The following TAB1 variants were observed in gnomAD, a reference collection of about 807,000 sequenced individuals.
TAB1 encodes the protein TGF-beta activated kinase 1 (MAP3K7) binding protein 1.
A neutral mutation model predicts 54.5 loss-of-function variants in TAB1; 30 were observed. That is an observed-to-expected ratio of 0.55 (90% CI 0.41 to 0.75). TAB1 has a LOEUF of 0.75. Ranked by LOEUF, TAB1 falls within the 30% of genes least tolerant of loss-of-function variation. The pLI is 0.00. For missense variants in TAB1, 609 were observed against 683.2 expected (o/e 0.89, Z 1.21); for synonymous variants, 289 against 286.9 (o/e 1.01, Z -0.07).
Position 39,421,877 on chromosome 22 carries a change from AGCCGCT to A in TAB1, c.829_834del (p.Pro277_Leu278del). On this transcript the variant is annotated inframe_deletion, in exon 8 of 11. Transcript: ENST00000216160. ...GCAGAGCCAGAAATCCATGGGGCACAGCCGCTGGATGGGGTGACGGGCTTCTTGGTG... is the reference window on the plus strand; with the variant it reads ...GCAGAGCCAGAAATCCATGGGGCACAGGATGGGGTGACGGGCTTCTTGGTG... The A allele has an allele frequency of 6.2e-7, 1 of 1,614,070 alleles. No homozygotes were observed. The highest frequency in any genetic ancestry group is 8.5e-7 in the Non-Finnish European group (1 of 1,179,970).
chr22:39,408,965 C>T (rs1025933976), intron 1 of TAB1, among the ~76,000 whole-genome samples: 2 of 152,180 alleles, frequency 1.3e-5, no homozygotes, highest in African/African-American at 4.8e-5. Context: ...GAGGAGGTAA[C>T]TGTGATTACA....
rs369480850 is a variant in TAB1, at chr22:39,425,864, C to T, written c.922-839C>T. Among the ~76,000 whole-genome samples the T allele has an allele frequency of 4.4e-4, 66 of 150,586 alleles. No individual in the cohort carries two copies. The East Asian group carries it at 8.4e-3, about 19-fold the overall frequency. ...CCCGGCCAAATGCTTTTTCAACTTA[C>T]GATATTTTCTTTTTTTTTTTTTTTT... On this transcript the variant is annotated intron_variant, in intron 8 of 10. Coordinates refer to ENST00000216160, the MANE Select transcript of TAB1 (RefSeq NM_006116.3).
chr22:39,429,747 G>A, intron 10 of TAB1: 1 of 889,708 alleles, frequency 1.1e-6, no homozygotes, highest in Non-Finnish European at 1.3e-6. Flanking sequence ...CTCCCAAAGT[G>A]CTGGGATTAC....
intron 7 of TAB1, among the ~76,000 whole-genome samples, chr22:39,420,960 T>A (rs1927060523): frequency 6.7e-6 from 1 of 149,414 alleles, no homozygotes; most frequent in Non-Finnish European, 1.5e-5. Context: ...TGCATCCTTT[T>A]CGGAACACCC....
chr22:39,421,040 G>T (rs1486368009), intron 7 of TAB1, among the ~76,000 whole-genome samples: 1 of 151,464 alleles, frequency 6.6e-6, no homozygotes, highest in Non-Finnish European at 1.5e-5. Flanking sequence ...GGTGTGTCCT[G>T]CCCCTCCCAG....
Position 39,428,029 on chromosome 22 carries a change from G to C in TAB1, c.1153G>C (p.Gly385Arg). 6.3e-7 allele frequency: 1 copy of C among 1,593,488 alleles called. No homozygotes were observed. Among genetic ancestry groups the C allele is most frequent in the Non-Finnish European group, 8.6e-7 (1 of 1,164,664 alleles). Reference protein sequence around the residue: ...PTPSPAPAAGGRVYPVSVPYS... With the variant: ...PTPSPAPAAGRRVYPVSVPYS... ...CTCTCTTCCTCCCAAAGCTGCAGGA[G>C]GACGAGTGTACCCTGTGTCTGTGCC... The change falls in exon 10 of 11, where the codon GGA (glycine) becomes CGA (arginine). Residue 385 changes from glycine (G) to arginine (R), a missense_variant. Gly to Arg is a moderately radical substitution (Grantham distance 125, BLOSUM62 -2). Coordinates refer to ENST00000216160, the MANE Select transcript of TAB1 (RefSeq NM_006116.3).
chr22:39,409,815 G>A (rs546802291), intron 1 of TAB1, among the ~76,000 whole-genome samples: 54 of 152,200 alleles, frequency 3.5e-4, no homozygotes, highest in African/African-American at 1.3e-3. Context: ...CCTTATTATT[G>A]TATTGTGTGT....
intron 1 of TAB1, among the ~76,000 whole-genome samples, chr22:39,401,169 T>C (rs1180138383): frequency 6.6e-6 from 1 of 151,766 alleles, no homozygotes; most frequent in Non-Finnish European, 1.5e-5. Context: ...AAAGGATGAG[T>C]AAAGGTTTGT....
chr22:39,433,961 T>A, downstream of TAB1: 1 of 362,800 alleles, frequency 2.8e-6, no homozygotes, highest in Non-Finnish European at 3.8e-6. Context: ...GCCTCTCGCC[T>A]GCTCCACGGG....
downstream of TAB1, chr22:39,433,536 G>A (rs35033958): frequency 7.9e-4 from 775 of 985,268 alleles, 5 homozygotes; most frequent in African/African-American, 1.0e-2. Flanking sequence ...CAGAAATCCC[G>A]TTGTCCCAGG....
Position 39,419,526 on chromosome 22 carries a change from T to A in TAB1, c.672T>A (p.Asp224Glu). ...ELFRLSQLGL[D>E]AGKIKQVGII... ...CACTGTTTCCCTCCGTAGGCTTGGA[T>A]GCTGGAAAGATCAAGCAGGTGGGGA... The change falls in exon 7 of 11, where the codon GAT becomes GAA. Residue 224 changes from aspartate (D) to glutamate (E), a missense_variant. Transcript: ENST00000216160. 1.2e-6 allele frequency: 2 copies of A among 1,607,872 alleles called. No individual in the cohort carries two copies. The highest frequency in any genetic ancestry group is 1.7e-6 in the Non-Finnish European group (2 of 1,176,202).
intron 1 of TAB1, among the ~76,000 whole-genome samples, chr22:39,414,015 C>T (rs1926720109): frequency 6.6e-6 from 1 of 152,160 alleles, no homozygotes; most frequent in Non-Finnish European, 1.5e-5. Flanking sequence ...GCCTGGACCG[C>T]TGTGTGAGCG....
At chr22:39,408,718 G>A (rs1324725605) in intron 1 of TAB1, among the ~76,000 whole-genome samples, 1 of 152,148 alleles carries the variant, frequency 6.6e-6, no homozygotes, top group Non-Finnish European at 1.5e-5. Flanking sequence ...GGCCAGGCTG[G>A]TCTTGAACTC....
intron 6 of TAB1, 123 bp downstream of exon 6, chr22:39,418,968 C>A: frequency 1.3e-6 from 1 of 760,844 alleles, no homozygotes; most frequent in Non-Finnish European, 2.2e-6. Flanking sequence ...AGCCAGCCTG[C>A]CTGGGGTTCA....
chr22:39,405,971 CA>C, intron 1 of TAB1, among the ~76,000 whole-genome samples: 2 of 152,072 alleles, frequency 1.3e-5, no homozygotes, highest in African/African-American at 4.8e-5. Flanking sequence ...TCTAAGACAC[CA>C]ATGTTTTAAG....
chr22:39,422,097 G>A, intron 8 of TAB1, 126 bp downstream of exon 8: 2 of 939,646 alleles, frequency 2.1e-6, no homozygotes, highest in Non-Finnish European at 3.0e-6. Context: ...GTTCAAAGCT[G>A]GGGGAAGGAG....
intron 4 of TAB1, among the ~76,000 whole-genome samples, chr22:39,417,405 G>A (rs1157413158): frequency 6.6e-6 from 1 of 152,164 alleles, no homozygotes; most frequent in East Asian, 1.9e-4. Flanking sequence ...CGGATCACAA[G>A]GTCAGGAGAT....
chr22:39,428,242 G>T, intron 10 of TAB1, 59 bp downstream of exon 10: 1 of 1,253,012 alleles, frequency 8.0e-7, no homozygotes, highest in African/African-American at 1.5e-5. Context: ...GTGTCCTGTG[G>T]CACCAGGACA....
downstream of TAB1, among the ~76,000 whole-genome samples, chr22:39,436,025 C>T (rs1389893680): frequency 6.6e-6 from 1 of 152,226 alleles, no homozygotes; most frequent in Non-Finnish European, 1.5e-5. Flanking sequence ...GGCACGGTGG[C>T]TCACGCCTAT....
Sources: gnomAD v4.1 joint callset for allele counts (sites outside exome capture counted in the v4.1 genomes callset) on GRCh38, gnomAD v4.1.1 for gene constraint, MANE v1.5 for transcripts, NCBI Gene and HGNC (gene_info 2026-07-23, HGNC 2026-07-21) for gene names.